Variants in MIPOL1 observed in about 807,000 individuals in gnomAD.
MIPOL1 encodes the protein mirror-image polydactyly gene 1 protein.
In MIPOL1, 57 loss-of-function variants were observed where a neutral mutation model predicts 60.9. That is an observed-to-expected ratio of 0.94 (90% CI 0.76 to 1.17). The LOEUF (loss-of-function observed/expected upper bound fraction) is 1.17, where lower values mean the gene tolerates loss of function less well. MIPOL1 is among the 50% of genes most tolerant of loss of function. The pLI, the probability that MIPOL1 is intolerant of heterozygous loss-of-function variation, is 0.00. For synonymous variants in MIPOL1, 179 were observed against 168.8 expected (o/e 1.06, Z -0.47); for missense variants, 551 against 511.6 (o/e 1.08, Z -0.74).
intron 7 of MIPOL1, among the ~76,000 whole-genome samples, chr14:37,303,039 A>T (rs2086454079): frequency 6.6e-6 from 1 of 151,978 alleles, no homozygotes; most frequent in South Asian, 2.1e-4. Flanking sequence ...ATTTATGTTC[A>T]TAAATTTTAT....
intron 11 of MIPOL1, among the ~76,000 whole-genome samples, chr14:37,490,290 A>G (rs1259509377): frequency 6.6e-6 from 1 of 151,302 alleles, no homozygotes; most frequent in African/African-American, 2.4e-5. Context: ...GCAATGGTGA[A>G]CCCCCCTCCC....
chr14:37,284,458 C>T (rs1434723532), intron 6 of MIPOL1, among the ~76,000 whole-genome samples: 2 of 152,104 alleles, frequency 1.3e-5, no homozygotes, highest in Non-Finnish European at 2.9e-5. Context: ...ATTCTCCTGC[C>T]TCAGCCTCCT....
At chr14:37,349,008 A>T (rs1451613868) in intron 9 of MIPOL1, among the ~76,000 whole-genome samples, 33 of 30,304 alleles carry the variant, frequency 1.1e-3, no homozygotes, top group African/African-American at 2.3e-3. Context: ...TTTTTTTTTG[A>T]GATGGAGTTT....
At chr14:37,318,402 G>A in intron 9 of MIPOL1, among the ~76,000 whole-genome samples, 1 of 152,124 alleles carries the variant, frequency 6.6e-6, no homozygotes, top group Middle Eastern at 3.2e-3. Context: ...AGGAAAAGTA[G>A]GGAACATATT....
At chr14:37,244,047 T>G (rs1010899439) in intron 1 of MIPOL1, among the ~76,000 whole-genome samples, 7 of 149,896 alleles carry the variant, frequency 4.7e-5, no homozygotes, top group South Asian at 2.1e-4. Context: ...GAGAGAAGGG[T>G]GTGCAGTTTG....
At position 37,510,001 on chromosome 14, in the gene MIPOL1, A is replaced by G. The variant is rs1231262950; in HGVS notation, c.1262+9863A>G. ...ATACATACGTAGTTTATAGACACAC[A>G]TAGTTTATATATGTATATATACACG... On this transcript the variant is annotated intron_variant, in intron 12 of 12. Coordinates refer to ENST00000684589, the MANE Select transcript of MIPOL1 (RefSeq NM_001388067.1). 2.6e-5 allele frequency among the ~76,000 whole-genome samples: 4 copies of G among 151,912 alleles called. No homozygotes were observed. The South Asian group carries it at 8.3e-4, about 32-fold the overall frequency.
chr14:37,318,851 C>T (rs1213567916), intron 9 of MIPOL1, among the ~76,000 whole-genome samples: 2 of 149,526 alleles, frequency 1.3e-5, no homozygotes, highest in Non-Finnish European at 3.0e-5. Flanking sequence ...TTAGTTAAGA[C>T]AGAGTCTCAT....
rs188372904 is a variant in MIPOL1 at position 37,375,141 on chromosome 14, G to A, written c.936+5517G>A. ...TCCTAGGTATTTTATTCTTTTTGTA[G>A]CAGTTGTGAATGGGAGTTCATTCAT... On this transcript the variant is annotated intron_variant, in intron 10 of 12. Coordinates refer to ENST00000684589, the MANE Select transcript of MIPOL1 (RefSeq NM_001388067.1). Among the ~76,000 whole-genome samples, 255 of 152,018 alleles carry A rather than the reference G, an allele frequency of 1.7e-3. 1 individual carries two copies. The highest frequency in any genetic ancestry group is 5.8e-3 in the African/African-American group (241 of 41,480).
chr14:37,535,539 C>T (rs1280233701), intron 12 of MIPOL1, among the ~76,000 whole-genome samples: 2 of 152,148 alleles, frequency 1.3e-5, no homozygotes, highest in Admixed American at 1.3e-4. Context: ...ACACACTCTC[C>T]CGTTCACAGT....
intron 1 of MIPOL1, among the ~76,000 whole-genome samples, chr14:37,223,659 C>T (rs8012643): frequency 0.26 from 39,366 of 151,800 alleles, 5,242 homozygotes; most frequent in South Asian, 0.33. Context: ...TGTACCACCA[C>T]GCCCGGCTAA....
chr14:37,278,841 C>G (rs566246895), intron 6 of MIPOL1: 1 of 151,862 alleles, frequency 6.6e-6, no homozygotes, highest in East Asian at 1.9e-4. Context: ...AATATGTACT[C>G]TGCCTTGACT....
chr14:37,444,973 T>C (rs941870587), intron 11 of MIPOL1, among the ~76,000 whole-genome samples: 18 of 152,184 alleles, frequency 1.2e-4, no homozygotes, highest in Non-Finnish European at 1.8e-4. Context: ...AATATCATAC[T>C]GAATGGGCAA....
At chr14:37,536,398 A>G (rs1192278286) in intron 12 of MIPOL1, among the ~76,000 whole-genome samples, 2 of 152,316 alleles carry the variant, frequency 1.3e-5, no homozygotes, top group Admixed American at 6.5e-5. Flanking sequence ...ATATCTATCA[A>G]TTGATACCTG....
chr14:37,367,635 C>T (rs868688429), intron 9 of MIPOL1, among the ~76,000 whole-genome samples: 2 of 152,000 alleles, frequency 1.3e-5, no homozygotes, highest in African/African-American at 2.4e-5. Flanking sequence ...AAAACAAGCC[C>T]AACTCAGATG....
At chr14:37,393,404 T>TG (rs2093296446) in intron 10 of MIPOL1, among the ~76,000 whole-genome samples, 3 of 117,926 alleles carry the variant, frequency 2.5e-5, no homozygotes, top group African/African-American at 9.8e-5. Context: ...TGTTTTGTTT[T>TG]TGTGTGTGTG....
intron 11 of MIPOL1, among the ~76,000 whole-genome samples, chr14:37,482,702 C>T (rs1251390567): frequency 6.6e-6 from 1 of 152,164 alleles, no homozygotes; most frequent in Admixed American, 6.5e-5. Context: ...CCAGGTTCCT[C>T]CCTCGACACC....
chr14:37,362,824 T>C (rs955873238), intron 9 of MIPOL1, among the ~76,000 whole-genome samples: 10 of 152,210 alleles, frequency 6.6e-5, no homozygotes, highest in Non-Finnish European at 1.5e-4. Flanking sequence ...CTCTTTTTTC[T>C]CTAAACTTCT....
intron 10 of MIPOL1, among the ~76,000 whole-genome samples, chr14:37,391,325 G>T (rs1473978222): frequency 6.7e-6 from 1 of 148,996 alleles, no homozygotes; most frequent in East Asian, 1.9e-4. Context: ...ACACAGAAAT[G>T]TAAGAAGGAA....
intron 12 of MIPOL1, among the ~76,000 whole-genome samples, chr14:37,529,069 C>A (rs556365361): frequency 6.6e-6 from 1 of 152,166 alleles, no homozygotes; most frequent in Non-Finnish European, 1.5e-5. Flanking sequence ...GTATGAATAA[C>A]TCTTTCAACT....
Sources: gnomAD v4.1 joint callset for allele counts (sites outside exome capture counted in the v4.1 genomes callset) on GRCh38, gnomAD v4.1.1 for gene constraint, MANE v1.5 for transcripts, NCBI Gene and HGNC (gene_info 2026-07-23, HGNC 2026-07-21) for gene names.